Variants in NFIB observed in about 807,000 individuals in gnomAD.
NFIB encodes nuclear factor I B, also known as nuclear factor 1 B-type.
NFIB carries 11 observed loss-of-function variants against 61.5 expected under a neutral mutation model. The ratio of observed to expected loss-of-function variants is 0.18; its 90% CI spans 0.11 to 0.30. NFIB has a LOEUF of 0.30. NFIB is among the 10% of genes least tolerant of loss of function. The probability of loss-of-function intolerance (pLI) is 1.00; values close to 1 mark genes in which losing one functional copy is unlikely to be tolerated. For missense variants in NFIB, 471 were observed against 608.9 expected (o/e 0.77, Z 2.38); for synonymous variants, 260 against 216.5 (o/e 1.20, Z -1.76).
At chr9:14,245,077 T>C (rs1488338647) in intron 2 of NFIB, among the ~76,000 whole-genome samples, 1 of 152,174 alleles carries the variant, frequency 6.6e-6, no homozygotes, top group Non-Finnish European at 1.5e-5. Context: ...AGGTTTGGGA[T>C]AACAACAGCT....
chr9:14,516,824 C>T, the NFIB span, among the ~76,000 whole-genome samples: 8 of 152,100 alleles, frequency 5.3e-5, no homozygotes, highest in Admixed American at 1.3e-4. Flanking sequence ...AAATAATATT[C>T]GTGATTAGTT....
the NFIB span, among the ~76,000 whole-genome samples, chr9:14,420,144 T>C: frequency 2.0e-5 from 3 of 151,942 alleles, no homozygotes; most frequent in Non-Finnish European, 4.4e-5. Context: ...AACACTTCAA[T>C]CAACAATGAC....
At chr9:14,424,563 C>A in the NFIB span, among the ~76,000 whole-genome samples, 2 of 152,120 alleles carry the variant, frequency 1.3e-5, no homozygotes, top group Non-Finnish European at 2.9e-5. Flanking sequence ...AATTAGAAGA[C>A]AAAGAAATAC....
At chr9:14,328,650 A>G (rs1265252847) in intron 1 of NFIB, among the ~76,000 whole-genome samples, 1 of 152,040 alleles carries the variant, frequency 6.6e-6, no homozygotes, top group East Asian at 1.9e-4. Flanking sequence ...ATATGATTGC[A>G]TAGTTATAAT....
At chr9:14,460,159 A>G in the NFIB span, among the ~76,000 whole-genome samples, 1 of 152,216 alleles carries the variant, frequency 6.6e-6, no homozygotes, top group Non-Finnish European at 1.5e-5. Context: ...AAAATGTGGC[A>G]CATATACATC....
chr9:14,270,579 C>CAAAAAAAAA (rs147823074), intron 2 of NFIB, among the ~76,000 whole-genome samples: 2 of 54,376 alleles, frequency 3.7e-5, no homozygotes, highest in African/African-American at 7.3e-5. Context: ...CCTTAGATCA[C>CAAAAAAAAA]AAAAAAAAAA....
intron 1 of NFIB, among the ~76,000 whole-genome samples, chr9:14,345,490 G>T (rs1450064289): frequency 1.3e-5 from 2 of 152,114 alleles, no homozygotes; most frequent in Non-Finnish European, 2.9e-5. Context: ...CAATCAAAGG[G>T]TCTGAGGCTA....
At chr9:14,360,627 C>T (rs1288056981) in intron 1 of NFIB, among the ~76,000 whole-genome samples, 3 of 151,450 alleles carry the variant, frequency 2.0e-5, no homozygotes, top group Admixed American at 2.0e-4. Context: ...TCACTGCAAG[C>T]TCCGCCTCCC....
chr9:14,401,491 AC>A (rs1422770118), upstream of NFIB, among the ~76,000 whole-genome samples: 1 of 152,158 alleles, frequency 6.6e-6, no homozygotes, highest in Non-Finnish European at 1.5e-5. Flanking sequence ...CGTCTATCTT[AC>A]TCAAGTCATC....
chr9:14,527,469 C>G, the NFIB span, among the ~76,000 whole-genome samples: 1 of 152,138 alleles, frequency 6.6e-6, no homozygotes, highest in South Asian at 2.1e-4. Flanking sequence ...AGTGATAAAT[C>G]TGCAAAGGTA....
At chr9:14,455,431 T>C in the NFIB span, among the ~76,000 whole-genome samples, 1 of 152,162 alleles carries the variant, frequency 6.6e-6, no homozygotes. Context: ...GAGAGTTCAC[T>C]TGAGGATGTG....
intron 5 of NFIB, among the ~76,000 whole-genome samples, chr9:14,148,936 T>C (rs2042576134): frequency 1.3e-5 from 2 of 152,282 alleles, no homozygotes; most frequent in African/African-American, 4.8e-5. Context: ...AAACTTAAAA[T>C]TGGGGACAAA....
At chr9:14,402,440 CT>C, upstream of NFIB, among the ~76,000 whole-genome samples, 1 of 152,092 alleles carries the variant, frequency 6.6e-6, no homozygotes, top group South Asian at 2.1e-4. Context: ...AGTAAAGGTC[CT>C]TTTTTTAATT....
At chr9:14,503,184 T>C in the NFIB span, among the ~76,000 whole-genome samples, 1 of 151,730 alleles carries the variant, frequency 6.6e-6, no homozygotes, top group East Asian at 1.9e-4. Context: ...CTTTATTTGC[T>C]CATTGATTGA....
At position 14,349,573 on chromosome 9, in the gene NFIB, T is replaced by G. The variant is rs2061080205; in HGVS notation, c.109-42053A>C. On this transcript the variant is annotated intron_variant, in intron 1 of 8. Transcript: ENST00000380934. ...TTGGGGTCCAAAGGGAAGAAAAGAC[T>G]TGATCTGTGGCTGGGGAACAGCGGC... Among the ~76,000 whole-genome samples the G allele has an allele frequency of 2.0e-5, 3 of 152,124 alleles. No homozygotes were observed. In the South Asian group the frequency reaches 6.2e-4, roughly 31 times the overall value.
At chr9:14,433,001 T>C in the NFIB span, among the ~76,000 whole-genome samples, 1 of 152,214 alleles carries the variant, frequency 6.6e-6, no homozygotes, top group Non-Finnish European at 1.5e-5. Context: ...ATTACATAAA[T>C]AACAAATATG....
At chr9:14,497,106 G>T in the NFIB span, among the ~76,000 whole-genome samples, 9 of 152,178 alleles carry the variant, frequency 5.9e-5, 1 homozygote, top group Admixed American at 5.2e-4. Flanking sequence ...TACTTGAATA[G>T]AATGCCAATT....
chr9:14,519,161 C>T, the NFIB span, among the ~76,000 whole-genome samples: 2 of 152,100 alleles, frequency 1.3e-5, no homozygotes, highest in African/African-American at 2.4e-5. Context: ...CCTGGGCTCT[C>T]CAAGCACTAA....
chr9:14,230,357 A>G (rs1455896202), intron 2 of NFIB, among the ~76,000 whole-genome samples: 2 of 152,194 alleles, frequency 1.3e-5, no homozygotes, highest in East Asian at 3.9e-4. Context: ...TCCAATGGGT[A>G]TTAACAAATA....
Sources: allele counts gnomAD v4.1 joint callset (sites outside exome capture counted in the v4.1 genomes callset), GRCh38; gene constraint gnomAD v4.1.1; transcripts MANE v1.5; gene names NCBI Gene and HGNC (gene_info 2026-07-23, HGNC 2026-07-21).